POU2F1: variants seen among roughly 807,000 people sequenced by gnomAD.
The protein encoded by POU2F1 is POU class 2 homeobox 1.
A neutral mutation model predicts 84.9 loss-of-function variants in POU2F1; 16 were observed. The observed-to-expected ratio is 0.19, with a 90% CI of 0.13 to 0.29. The LOEUF (loss-of-function observed/expected upper bound fraction) is 0.29, where lower values mean the gene tolerates loss of function less well. Among genes scored for constraint, POU2F1 ranks in the 10% least tolerant of loss-of-function variants. The pLI, the probability that POU2F1 is intolerant of heterozygous loss-of-function variation, is 1.00. For synonymous variants in POU2F1, 368 were observed against 368.3 expected (o/e 1.00, Z 0.01); for missense variants, 738 against 942.6 (o/e 0.78, Z 2.84).
intron 1 of POU2F1, among the ~76,000 whole-genome samples, chr1:167,242,962 C>T (rs1291778367): frequency 6.6e-6 from 1 of 152,028 alleles, no homozygotes; most frequent in Non-Finnish European, 1.5e-5. Context: ...CTCTCTCCCC[C>T]GCTTTCTTTC....
chr1:167,258,922 T>G (rs771078080), intron 1 of POU2F1, among the ~76,000 whole-genome samples: 2 of 152,228 alleles, frequency 1.3e-5, no homozygotes, highest in African/African-American at 2.4e-5. Context: ...CAAAAACTAT[T>G]CTTGGCTTGT....
At chr1:167,228,354 T>C (rs1350050567) in intron 1 of POU2F1, among the ~76,000 whole-genome samples, 2 of 152,194 alleles carry the variant, frequency 1.3e-5, no homozygotes. Context: ...AGGTATTTGG[T>C]TTATTAACTA....
chr1:167,375,576 G>A (rs892264299), intron 6 of POU2F1, among the ~76,000 whole-genome samples: 1 of 152,146 alleles, frequency 6.6e-6, no homozygotes, highest in Non-Finnish European at 1.5e-5. Context: ...TTTTTCAGTT[G>A]AGTTAGATAA....
At chr1:167,225,750 T>G (rs1026394068) in intron 1 of POU2F1, among the ~76,000 whole-genome samples, 2 of 152,258 alleles carry the variant, frequency 1.3e-5, no homozygotes, top group Admixed American at 1.3e-4. Context: ...GTCACTCATT[T>G]TCATGAATGT....
At chr1:167,343,362 G>C (rs1279808723) in intron 2 of POU2F1, among the ~76,000 whole-genome samples, 2 of 152,086 alleles carry the variant, frequency 1.3e-5, no homozygotes, top group Non-Finnish European at 2.9e-5. Context: ...ATTAAAGAGA[G>C]GGTTTGTTTC....
intron 2 of POU2F1, among the ~76,000 whole-genome samples, chr1:167,334,963 A>G (rs1432338177): frequency 6.6e-6 from 1 of 152,166 alleles, no homozygotes; most frequent in Non-Finnish European, 1.5e-5. Flanking sequence ...TTACAATTGT[A>G]ATAATTTTGA....
At position 167,374,198 on chromosome 1, in the gene POU2F1, G is replaced by T. The variant is rs774001310; in HGVS notation, c.493G>T (p.Ala165Ser). The part of the protein sequence containing the change: ...LLAAAVQQHS[A>S]SQQHSAAGAT... ...GGCTGCTGCAGTGCAGCAGCACTCC[G>T]CCAGCCAGCAGCACAGTGCTGCTGG... The change falls in exon 6 of 16, where the codon GCC (alanine) becomes TCC (serine). Residue 165 changes from alanine (A) to serine (S), a missense_variant. Around this residue, in one of 4 missense-constraint regions of POU2F1, gnomAD observed 163 missense variants for 214.4 expected, o/e 0.76. Coordinates refer to ENST00000367866, the MANE Select transcript of POU2F1 (RefSeq NM_002697.4). The T allele has an allele frequency of 6.2e-7, 1 of 1,608,608 alleles. No individual in the cohort carries two copies. The highest frequency in any genetic ancestry group is 2.2e-5 in the East Asian group (1 of 44,490).
intron 1 of POU2F1, among the ~76,000 whole-genome samples, chr1:167,298,219 T>C (rs993996170): frequency 5.3e-5 from 8 of 152,160 alleles, no homozygotes; most frequent in Non-Finnish European, 5.9e-5. Flanking sequence ...CCATATTGCT[T>C]CTTTGATATG....
intron 2 of POU2F1, among the ~76,000 whole-genome samples, chr1:167,349,900 A>T (rs1571346080): frequency 6.6e-6 from 1 of 152,354 alleles, no homozygotes; most frequent in Admixed American, 6.5e-5. Context: ...ATCTAAAGCC[A>T]TTTCTTATAA....
intron 1 of POU2F1, among the ~76,000 whole-genome samples, chr1:167,329,868 G>A (rs578117939): frequency 2.0e-5 from 3 of 152,128 alleles, no homozygotes; most frequent in Admixed American, 6.5e-5. Flanking sequence ...ATTTTTGCTA[G>A]GATTAGTCCT....
intron 1 of POU2F1, among the ~76,000 whole-genome samples, chr1:167,302,392 C>T (rs536635797): frequency 4.6e-5 from 7 of 151,888 alleles, no homozygotes; most frequent in Non-Finnish European, 8.8e-5. Context: ...TCCCGAGTAG[C>T]TGGGATTACA....
At chr1:167,285,561 C>T (rs1230699626) in intron 1 of POU2F1, among the ~76,000 whole-genome samples, 2 of 151,772 alleles carry the variant, frequency 1.3e-5, no homozygotes, top group African/African-American at 4.8e-5. Context: ...CCACTGCACT[C>T]CAGCCTGGGT....
chr1:167,228,798 C>G (rs1176198184), intron 1 of POU2F1, among the ~76,000 whole-genome samples: 1 of 152,164 alleles, frequency 6.6e-6, no homozygotes, highest in Non-Finnish European at 1.5e-5. Flanking sequence ...ACCTTACATC[C>G]TTTCTGGAGC....
intron 1 of POU2F1, among the ~76,000 whole-genome samples, chr1:167,232,637 G>A (rs899287737): frequency 1.3e-5 from 2 of 152,176 alleles, no homozygotes; most frequent in Admixed American, 1.3e-4. Context: ...GAGGTCAGGA[G>A]TTCGAGACCA....
At chr1:167,404,733 T>A (rs1369182003) in intron 13 of POU2F1, among the ~76,000 whole-genome samples, 2 of 152,196 alleles carry the variant, frequency 1.3e-5, no homozygotes, top group Non-Finnish European at 2.9e-5. Context: ...GAGCTGGGAC[T>A]CTCTGTGAGG....
At chr1:167,292,036 T>C (rs1653960135) in intron 1 of POU2F1, among the ~76,000 whole-genome samples, 1 of 152,130 alleles carries the variant, frequency 6.6e-6, no homozygotes, top group Non-Finnish European at 1.5e-5. Flanking sequence ...TGCGTGTGTG[T>C]GTGTGTGTGT....
At chr1:167,221,455 G>A (rs534124361) in intron 1 of POU2F1, among the ~76,000 whole-genome samples, 50 of 149,364 alleles carry the variant, frequency 3.3e-4, no homozygotes, top group African/African-American at 1.2e-3. Context: ...GCGTGAAGGG[G>A]GATGGAGGCG....
At chr1:167,391,541 A>G in intron 9 of POU2F1, among the ~76,000 whole-genome samples, 1 of 131,470 alleles carries the variant, frequency 7.6e-6, no homozygotes. Context: ...ACACATTTAT[A>G]TATATCTTTA....
Position 167,425,065 on chromosome 1 carries a change from T to C in POU2F1, c.*9255T>C, listed in dbSNP as rs1177144283. On this transcript the variant is annotated 3_prime_UTR_variant, in exon 16 of 16. Transcript: ENST00000367866. ...GTTTATTATTATTATTATTATTATTTGACAATCTTATATCCAATGGGCTCT... is the reference window on the plus strand; with the variant it reads ...GTTTATTATTATTATTATTATTATTCGACAATCTTATATCCAATGGGCTCT... 6.7e-6 allele frequency: 1 copy of C among 150,036 alleles called. No homozygotes were observed. Among genetic ancestry groups the C allele is most frequent in the Non-Finnish European group, 1.5e-5 (1 of 67,334 alleles). 9.3% of individuals were successfully genotyped at this position (150,036 alleles called of 1,614,324 possible). A position where few individuals can be genotyped will look rare whatever the true frequency, so the allele number is the denominator to read the frequency against.
Sources: allele counts gnomAD v4.1 joint callset (sites outside exome capture counted in the v4.1 genomes callset), GRCh38; gene constraint gnomAD v4.1.1; regional missense constraint gnomAD v4.1.1; transcripts MANE v1.5; gene names NCBI Gene and HGNC (gene_info 2026-07-23, HGNC 2026-07-21).